The following KLHL13 variants were observed in gnomAD, a reference collection of about 807,000 sequenced individuals.
KLHL13 encodes kelch-like protein 13.
In KLHL13, 10 loss-of-function variants were observed where a neutral mutation model predicts 37.1. The observed-to-expected ratio is 0.27, with a 90% CI of 0.17 to 0.46. The LOEUF is 0.46. Among genes scored for constraint, KLHL13 ranks in the 20% least tolerant of loss-of-function variants. The probability of loss-of-function intolerance (pLI) is 1.00; values close to 1 mark genes in which losing one functional copy is unlikely to be tolerated. For missense variants in KLHL13, 360 were observed against 509.3 expected (o/e 0.71, Z 2.82); for synonymous variants, 163 against 181.2 (o/e 0.90, Z 0.81).
At chrX:118,048,572 T>A (rs2054583198) in intron 1 of KLHL13, among the ~76,000 whole-genome samples, 1 of 111,755 alleles carries the variant, frequency 8.9e-6, no homozygotes, top group Admixed American at 9.5e-5. Context: ...CTTTTCTGCA[T>A]GTTTGGAATT....
chrX:117,945,596 G>T (rs1450574506), intron 1 of KLHL13, 21 bp from the exon 3 acceptor site: 1 of 1,150,088 alleles, frequency 8.7e-7, no homozygotes, highest in African/African-American at 1.8e-5. Flanking sequence ...TTTTACATAA[G>T]AAAGAAGGGG....
chrX:117,931,861 A>G (rs1049122927), intron 2 of KLHL13, among the ~76,000 whole-genome samples: 7 of 111,060 alleles, frequency 6.3e-5, no homozygotes, highest in Non-Finnish European at 9.5e-5. Flanking sequence ...TTTGTACCTC[A>G]TAGCATTTTT....
chrX:117,984,792 A>C (rs2147934144), intron 1 of KLHL13, among the ~76,000 whole-genome samples: 1 of 110,796 alleles, frequency 9.0e-6, no homozygotes, highest in East Asian at 2.8e-4. Context: ...CTTTGCTTTA[A>C]AATGCATCAA....
At chrX:117,931,329 G>A (rs1289039734) in intron 2 of KLHL13, among the ~76,000 whole-genome samples, 5 of 111,643 alleles carry the variant, frequency 4.5e-5, no homozygotes, top group African/African-American at 9.8e-5. Flanking sequence ...TTTGAGTATC[G>A]CCAGTAATCA....
intron 1 of KLHL13, among the ~76,000 whole-genome samples, chrX:118,081,930 T>C (rs975020846): frequency 1.9e-4 from 20 of 105,263 alleles, no homozygotes; most frequent in African/African-American, 6.4e-4. Flanking sequence ...TAAGGCTGAA[T>C]AGTATTCCAT....
intron 1 of KLHL13, among the ~76,000 whole-genome samples, chrX:117,948,962 A>G (rs1178104031): frequency 2.7e-5 from 3 of 112,207 alleles, no homozygotes; most frequent in Non-Finnish European, 5.6e-5. Context: ...AGACAAAAGG[A>G]AAAAAAGCCT....
chrX:118,110,634 CCTT>C (rs1410982959), intron 1 of KLHL13, among the ~76,000 whole-genome samples: 1 of 111,014 alleles, frequency 9.0e-6, no homozygotes, highest in Non-Finnish European at 1.9e-5. Context: ...GCCTCGGCCT[CCTT>C]AAGTGCTGGT....
At chrX:118,060,921 G>C (rs1273782862) in intron 1 of KLHL13, among the ~76,000 whole-genome samples, 2 of 110,804 alleles carry the variant, frequency 1.8e-5, no homozygotes, top group Non-Finnish European at 3.8e-5. Flanking sequence ...TCTTCACATG[G>C]TCTTCCCTCT....
chrX:118,030,017 A>G (rs1206365487), intron 1 of KLHL13, among the ~76,000 whole-genome samples: 3 of 110,627 alleles, frequency 2.7e-5, no homozygotes, highest in Admixed American at 9.7e-5. Context: ...AAGTTATGTG[A>G]AGATCTAAAA....
At chrX:118,023,101 G>T (rs1299521643) in intron 1 of KLHL13, among the ~76,000 whole-genome samples, 1 of 110,527 alleles carries the variant, frequency 9.0e-6, no homozygotes, top group Non-Finnish European at 1.9e-5. Flanking sequence ...TTTGCAAGTG[G>T]ATATACAGTT....
At chrX:118,023,032 G>A (rs892055789) in intron 1 of KLHL13, among the ~76,000 whole-genome samples, 1 of 111,757 alleles carries the variant, frequency 8.9e-6, no homozygotes, top group African/African-American at 3.2e-5. Context: ...ACTTTGGTAT[G>A]TAATCCATTT....
chrX:118,055,342 T>C (rs1474401661), intron 1 of KLHL13, among the ~76,000 whole-genome samples: 2 of 112,296 alleles, frequency 1.8e-5, no homozygotes, highest in African/African-American at 6.5e-5. Flanking sequence ...GAACTAAGGC[T>C]GTTGATTTGC....
At chrX:117,979,183 C>T (rs1295783280) in intron 1 of KLHL13, among the ~76,000 whole-genome samples, 1 of 111,934 alleles carries the variant, frequency 8.9e-6, no homozygotes, top group East Asian at 2.8e-4. Flanking sequence ...CAGCCTGCCT[C>T]GACCTCCCAA....
intron 1 of KLHL13, among the ~76,000 whole-genome samples, chrX:117,987,407 G>T (rs1207010342): frequency 9.0e-6 from 1 of 111,187 alleles, no homozygotes; most frequent in Non-Finnish European, 1.9e-5. Flanking sequence ...AGAAAGAGGT[G>T]TTTCAAAAAG....
At chrX:118,094,695 G>T (rs1273729338) in intron 1 of KLHL13, among the ~76,000 whole-genome samples, 2 of 112,059 alleles carry the variant, frequency 1.8e-5, no homozygotes, top group African/African-American at 6.5e-5. Flanking sequence ...TGATCTCTCA[G>T]CAGAAACTCT....
chrX:118,003,641 C>T (rs988584717), intron 1 of KLHL13, among the ~76,000 whole-genome samples: 4 of 109,975 alleles, frequency 3.6e-5, no homozygotes, highest in African/African-American at 9.9e-5. Flanking sequence ...AATTGACAAG[C>T]AAAAATCTCA....
chrX:118,099,293 T>G, intron 1 of KLHL13, among the ~76,000 whole-genome samples: 1 of 111,707 alleles, frequency 9.0e-6, no homozygotes, highest in Admixed American at 9.5e-5. Context: ...TGTACAAATT[T>G]TCTAGACTCA....
intron 1 of KLHL13, among the ~76,000 whole-genome samples, chrX:118,090,499 T>C (rs1449455596): frequency 8.9e-6 from 1 of 111,963 alleles, no homozygotes; most frequent in Non-Finnish European, 1.9e-5. Context: ...AAAGAAGACA[T>C]TTATGCAGCC....
At chrX:118,078,900 C>T (rs57021864) in intron 1 of KLHL13, among the ~76,000 whole-genome samples, 3,165 of 111,135 alleles carry the variant, frequency 0.028, 108 homozygotes, top group African/African-American at 0.096. Context: ...GAGAGTTTTA[C>T]TTGCTCACAA....
Sources: gnomAD v4.1 joint callset for allele counts (sites outside exome capture counted in the v4.1 genomes callset) on GRCh38, gnomAD v4.1.1 for gene constraint, MANE v1.5 for transcripts, NCBI Gene and HGNC (gene_info 2026-07-23, HGNC 2026-07-21) for gene names.